PCDHGB3: variants seen among roughly 807,000 people sequenced by gnomAD.
PCDHGB3 encodes the protein protocadherin gamma subfamily B, 3.
Under a neutral mutation model 59.2 loss-of-function variants are expected in PCDHGB3, and 40 were observed. The observed-to-expected ratio is 0.68, with a 90% confidence interval of 0.52 to 0.88. PCDHGB3 has a LOEUF of 0.88. Ranked by LOEUF, PCDHGB3 falls within the 40% of genes least tolerant of loss-of-function variation. PCDHGB3 has a pLI of 0.00. For missense variants in PCDHGB3, 1,309 were observed against 1,187.9 expected (o/e 1.10, Z -1.50); for synonymous variants, 581 against 503.6 (o/e 1.15, Z -2.06).
chr5:141,415,045 G>T, intron 1 of PCDHGB3: 1 of 1,613,538 alleles, frequency 6.2e-7, no homozygotes, highest in East Asian at 2.2e-5. Context: ...CTTCGCGGTG[G>T]GGGAGCACAC....
intron 1 of PCDHGB3, chr5:141,408,003 C>A: frequency 3.3e-6 from 3 of 917,520 alleles, no homozygotes; most frequent in Non-Finnish European, 4.7e-6. Context: ...GCCTGGGATT[C>A]CCTGCGCAGC....
chr5:141,486,843 A>G lies in PCDHGB3; in HGVS notation c.2416-7964A>G, dbSNP rs1455684942. On this transcript the variant is annotated intron_variant, in intron 1 of 3. Coordinates refer to ENST00000576222, the MANE Select transcript of PCDHGB3 (RefSeq NM_018924.5). The surrounding 1 kb of genome is among the most constrained non-coding windows in gnomAD (Gnocchi z 5.0). ...GTAACAGTTCGTCTATTTGTGCTGG[A>G]CCTCAATGACAATGCTCCAGCTGTG... 6.2e-7 allele frequency: 1 copy of G among 1,614,214 alleles called. No homozygotes were observed. Among genetic ancestry groups the G allele is most frequent in the Admixed American group, 1.7e-5 (1 of 60,034 alleles).
intron 1 of PCDHGB3, among the ~76,000 whole-genome samples, chr5:141,474,684 T>A (rs1302389621): frequency 6.6e-6 from 1 of 152,246 alleles, no homozygotes; most frequent in Non-Finnish European, 1.5e-5. Context: ...TGCCTACCCC[T>A]TCACTTATGT....
At chr5:141,392,922 G>A (rs2092629176) in intron 1 of PCDHGB3, 1 of 1,613,946 alleles carries the variant, frequency 6.2e-7, no homozygotes, top group African/African-American at 1.3e-5. Context: ...CTCTGTGCCA[G>A]AAGAGACGGA....
intron 1 of PCDHGB3, chr5:141,415,910 A>G: frequency 1.3e-6 from 1 of 757,484 alleles, no homozygotes; most frequent in Non-Finnish European, 1.8e-6. Context: ...ACTTCCATAC[A>G]GAAGTGCCTG....
intron 1 of PCDHGB3, among the ~76,000 whole-genome samples, chr5:141,446,338 G>T (rs964323259): frequency 6.6e-6 from 1 of 152,128 alleles, no homozygotes; most frequent in African/African-American, 2.4e-5. Flanking sequence ...GGAACTGGAT[G>T]GACAAAGCTA....
intron 1 of PCDHGB3, chr5:141,423,696 T>A: frequency 4.0e-6 from 6 of 1,492,822 alleles, no homozygotes; most frequent in Non-Finnish European, 5.3e-6. Flanking sequence ...ATTGTTGGTG[T>A]CTTGGCACAA....
chr5:141,508,824 G>A (rs893436748), intron 3 of PCDHGB3, among the ~76,000 whole-genome samples: 9 of 151,952 alleles, frequency 5.9e-5, no homozygotes, highest in Admixed American at 3.3e-4. Flanking sequence ...CCAGATCTGG[G>A]CCCCCCTCCC....
At chr5:141,400,138 A>G (rs1459833287) in intron 1 of PCDHGB3, 4 of 1,614,046 alleles carry the variant, frequency 2.5e-6, no homozygotes, top group Admixed American at 1.7e-5. Context: ...GCTGCCGGAT[A>G]TCACTGACCG....
intron 1 of PCDHGB3, among the ~76,000 whole-genome samples, chr5:141,471,706 A>G (rs2099262749): frequency 6.6e-6 from 1 of 152,212 alleles, no homozygotes; most frequent in African/African-American, 2.4e-5. Context: ...CTGGAATAGA[A>G]GTGCCACTTA....
At chr5:141,474,871 A>G (rs894657981) in intron 1 of PCDHGB3, among the ~76,000 whole-genome samples, 5 of 152,236 alleles carry the variant, frequency 3.3e-5, no homozygotes, top group African/African-American at 1.2e-4. Context: ...ATAGGATAGG[A>G]GCAGGAACTC....
chr5:141,422,626 C>A, intron 1 of PCDHGB3: 2 of 1,613,334 alleles, frequency 1.2e-6, no homozygotes, highest in Non-Finnish European at 1.7e-6. Flanking sequence ...CGAAAACAAC[C>A]CCAGGGGTGC....
At chr5:141,501,866 C>T (rs1193396289) in intron 2 of PCDHGB3, among the ~76,000 whole-genome samples, 4 of 152,108 alleles carry the variant, frequency 2.6e-5, no homozygotes, top group South Asian at 2.1e-4. Context: ...TTTCCCAGGA[C>T]GCCTCCTTAC....
Position 141,399,843 on chromosome 5 carries a change from T to C in PCDHGB3, c.2415+27034T>C, listed in dbSNP as rs1452069886. ...GTCCCGACGGCTCTGCGCTCTTCGATATGGTGCCGCGCGCTGCAGAGCCCG... is the reference window on the plus strand; with the variant it reads ...GTCCCGACGGCTCTGCGCTCTTCGACATGGTGCCGCGCGCTGCAGAGCCCG... On this transcript the variant is annotated intron_variant, in intron 1 of 3. Coordinates refer to ENST00000576222, the MANE Select transcript of PCDHGB3 (RefSeq NM_018924.5). 2.5e-6 allele frequency: 4 copies of C among 1,612,848 alleles called. No homozygotes were observed. The African/African-American group carries it at 5.3e-5, about 22-fold the overall frequency.
In PCDHGB3 at chr5:141,511,540, C is replaced by CTA; in HGVS notation, c.*367_*368insTA. ...ATCCCATGCCTCCCTCCTCCCCACC[C>CTA]CACTCCAACAGTTCCTCTTTCCCGA... On this transcript the variant is annotated 3_prime_UTR_variant, in exon 4 of 4. Transcript: ENST00000576222. 3.0e-6 allele frequency: 1 copy of CTA among 328,024 alleles called. No individual in the cohort carries two copies. Among genetic ancestry groups the CTA allele is most frequent in the South Asian group, 3.2e-5 (1 of 31,610 alleles). 20.3% of individuals were successfully genotyped at this position (328,024 alleles called of 1,614,324 possible). A position where few individuals can be genotyped will look rare whatever the true frequency, so the allele number is the denominator to read the frequency against.
chr5:141,376,578 AT>A (rs1281725359), intron 1 of PCDHGB3: 1 of 1,590,896 alleles, frequency 6.3e-7, no homozygotes, highest in South Asian at 1.1e-5. Flanking sequence ...AGACAGGCTC[AT>A]CAGCTAGATC....
chr5:141,388,408 G>A (rs2091351933), intron 1 of PCDHGB3: 1 of 1,613,848 alleles, frequency 6.2e-7, no homozygotes, highest in African/African-American at 1.3e-5. Context: ...CTCAGTCCCA[G>A]TGATCATTTC....
intron 1 of PCDHGB3, chr5:141,422,386 A>G: frequency 1.3e-6 from 2 of 1,587,922 alleles, no homozygotes; most frequent in Non-Finnish European, 1.7e-6. Flanking sequence ...CTCCTGTTTT[A>G]TTCCTAACCA....
chr5:141,445,584 G>A lies in PCDHGB3; in HGVS notation c.2416-49223G>A, dbSNP rs540956709. ...AGAAAGCTTATAGTAGGGAAGCTTC[G>A]CCTAATCTGAAGGTCAAGGAAGGCT... On this transcript the variant is annotated intron_variant, in intron 1 of 3. Transcript: ENST00000576222. Among the ~76,000 whole-genome samples, 116 of 152,286 alleles carry A rather than the reference G, an allele frequency of 7.6e-4. 2 individuals are homozygous for A. Among genetic ancestry groups the A allele is most frequent in the Non-Finnish European group, 2.4e-4 (16 of 68,024 alleles).
Sources: allele counts gnomAD v4.1 joint callset (sites outside exome capture counted in the v4.1 genomes callset), GRCh38; gene constraint gnomAD v4.1.1; non-coding constraint Gnocchi (gnomAD v3.1); transcripts MANE v1.5; gene names NCBI Gene and HGNC (gene_info 2026-07-23, HGNC 2026-07-21).